The following PIP5K1B variants were observed in gnomAD, a reference collection of about 807,000 sequenced individuals.
PIP5K1B encodes phosphatidylinositol-4-phosphate 5-kinase type 1 beta.
Under a neutral mutation model 67.0 loss-of-function variants are expected in PIP5K1B, and 42 were observed. The ratio of observed to expected loss-of-function variants is 0.63; its 90% confidence interval spans 0.49 to 0.81. The LOEUF is 0.81. PIP5K1B is among the 30% of genes least tolerant of loss of function. The probability of loss-of-function intolerance (pLI) is 0.00; values close to 1 mark genes in which losing one functional copy is unlikely to be tolerated. For missense variants in PIP5K1B, 459 were observed against 646.3 expected, an observed-to-expected ratio of 0.71 and a Z score of 3.14; for synonymous variants, 214 against 231.4, an observed-to-expected ratio of 0.92 and a Z score of 0.68.
chr9:68,837,311 C>T (rs1034021975), intron 4 of PIP5K1B, among the ~76,000 whole-genome samples: 2 of 152,176 alleles, frequency 1.3e-5, no homozygotes, highest in African/African-American at 2.4e-5. Flanking sequence ...CCATCTTAGA[C>T]GTCCCCCCGC....
intron 12 of PIP5K1B, among the ~76,000 whole-genome samples, chr9:68,928,080 A>G (rs568620842): frequency 4.6e-5 from 7 of 152,130 alleles, no homozygotes; most frequent in Non-Finnish European, 7.4e-5. Context: ...CAGACAAAAA[A>G]AAAAGGAAAA....
At chr9:68,797,337 G>A (rs1254501826) in intron 2 of PIP5K1B, among the ~76,000 whole-genome samples, 1 of 152,214 alleles carries the variant, frequency 6.6e-6, no homozygotes, top group African/African-American at 2.4e-5. Context: ...GCATTCCCCA[G>A]GGAGACAAGG....
At chr9:68,717,298 G>A (rs1451365739) in intron 1 of PIP5K1B, among the ~76,000 whole-genome samples, 1 of 152,156 alleles carries the variant, frequency 6.6e-6, no homozygotes, top group Non-Finnish European at 1.5e-5. Flanking sequence ...AGACTGGACG[G>A]TAGCATCCTA....
At chr9:68,938,674 T>C (rs1005820713) in intron 13 of PIP5K1B, among the ~76,000 whole-genome samples, 3 of 152,174 alleles carry the variant, frequency 2.0e-5, no homozygotes, top group Non-Finnish European at 2.9e-5. Context: ...TGAGTTCTTA[T>C]CAGGAAGTGC....
intron 4 of PIP5K1B, among the ~76,000 whole-genome samples, chr9:68,837,320 G>A (rs1184959146): frequency 2.0e-5 from 3 of 152,136 alleles, no homozygotes; most frequent in African/African-American, 7.2e-5. Flanking sequence ...ACGTCCCCCC[G>A]CTAATTAGGG....
chr9:68,981,505 C>T (rs893291676), intron 14 of PIP5K1B, among the ~76,000 whole-genome samples: 32 of 152,120 alleles, frequency 2.1e-4, no homozygotes, highest in African/African-American at 7.5e-4. Flanking sequence ...GAGGTTGTTG[C>T]TTTTCATCAG....
intron 1 of PIP5K1B, among the ~76,000 whole-genome samples, chr9:68,739,556 C>T (rs1828902701): frequency 6.6e-6 from 1 of 152,144 alleles, no homozygotes; most frequent in African/African-American, 2.4e-5. Context: ...AAATTTCAGC[C>T]TCCTTCTTGG....
At chr9:68,726,943 T>G (rs1172849409) in intron 1 of PIP5K1B, among the ~76,000 whole-genome samples, 1 of 152,134 alleles carries the variant, frequency 6.6e-6, no homozygotes, top group Non-Finnish European at 1.5e-5. Context: ...TGATTTTTGG[T>G]AAGGTGCTAA....
chr9:68,810,104 A>G (rs564084962), intron 2 of PIP5K1B, among the ~76,000 whole-genome samples: 6 of 152,338 alleles, frequency 3.9e-5, no homozygotes, highest in South Asian at 2.1e-4. Flanking sequence ...TTATCTTCCA[A>G]TTGCTTTGTC....
At chr9:68,826,405 A>G (rs1833981287) in intron 4 of PIP5K1B, among the ~76,000 whole-genome samples, 1 of 152,106 alleles carries the variant, frequency 6.6e-6, no homozygotes, top group Non-Finnish European at 1.5e-5. Flanking sequence ...GTTGCCAGAT[A>G]CTCTGATGTT....
intron 14 of PIP5K1B, among the ~76,000 whole-genome samples, chr9:68,980,097 G>T (rs903992782): frequency 6.6e-6 from 1 of 152,232 alleles, no homozygotes; most frequent in Non-Finnish European, 1.5e-5. Context: ...CCTGGCAGGA[G>T]CATGAGATGT....
intron 8 of PIP5K1B, among the ~76,000 whole-genome samples, chr9:68,912,015 A>G (rs1825879014): frequency 6.6e-6 from 1 of 152,238 alleles, no homozygotes; most frequent in African/African-American, 2.4e-5. Flanking sequence ...GGTAATTGGA[A>G]TCTACCTTTA....
chr9:68,859,358 T>C (rs1196953961), intron 4 of PIP5K1B, among the ~76,000 whole-genome samples: 1 of 152,224 alleles, frequency 6.6e-6, no homozygotes, highest in Non-Finnish European at 1.5e-5. Context: ...TTTATGATGT[T>C]ATATGGTTCT....
At chr9:68,923,432 C>G (rs767479861) in intron 12 of PIP5K1B, 46 bp downstream of exon 12, 1 of 932,722 alleles carries the variant, frequency 1.1e-6, no homozygotes, top group South Asian at 1.5e-5. Flanking sequence ...CAGCTAATTT[C>G]ATTATGTATC....
intron 12 of PIP5K1B, among the ~76,000 whole-genome samples, chr9:68,924,017 A>G (rs550463986): frequency 6.6e-6 from 1 of 151,986 alleles, no homozygotes; most frequent in South Asian, 2.1e-4. Context: ...AAACCTCAAG[A>G]TGAATGAAAA....
intron 14 of PIP5K1B, among the ~76,000 whole-genome samples, chr9:68,972,502 G>A (rs1829426538): frequency 1.3e-5 from 2 of 152,140 alleles, no homozygotes; most frequent in African/African-American, 2.4e-5. Context: ...TTAGCTGGGT[G>A]TGGTGGTGTG....
At chr9:68,749,796 C>G (rs776133211) in intron 2 of PIP5K1B, among the ~76,000 whole-genome samples, 2 of 152,148 alleles carry the variant, frequency 1.3e-5, no homozygotes, top group Non-Finnish European at 2.9e-5. Flanking sequence ...CCACTAGATG[C>G]CAGTAGTTCC....
intron 4 of PIP5K1B, among the ~76,000 whole-genome samples, chr9:68,850,571 A>G (rs1353320540): frequency 6.6e-6 from 1 of 152,216 alleles, no homozygotes; most frequent in East Asian, 1.9e-4. Context: ...AAGAGAATAG[A>G]TGCTGCAGAC....
intron 4 of PIP5K1B, among the ~76,000 whole-genome samples, chr9:68,828,405 T>C (rs577072089): frequency 2.0e-5 from 3 of 152,326 alleles, no homozygotes; most frequent in Admixed American, 2.0e-4. Flanking sequence ...GAAAGCTCCA[T>C]TGGGAAACTG....
Sources: gnomAD v4.1 joint callset for allele counts (sites outside exome capture counted in the v4.1 genomes callset) on GRCh38, gnomAD v4.1.1 for gene constraint, MANE v1.5 for transcripts, NCBI Gene and HGNC (gene_info 2026-07-23, HGNC 2026-07-21) for gene names.